The following CRY1 variants were observed in gnomAD, a reference collection of about 807,000 sequenced individuals.
The protein encoded by CRY1 is cryptochrome-1.
In CRY1, 45 loss-of-function variants were observed where a neutral mutation model predicts 76.0. The ratio of observed to expected loss-of-function variants is 0.59; its 90% CI spans 0.47 to 0.76. CRY1 has a LOEUF of 0.76. CRY1 is among the 30% of genes least tolerant of loss of function. CRY1 has a pLI of 0.00. For synonymous variants in CRY1, 248 were observed against 244.0 expected (o/e 1.02, Z -0.15); for missense variants, 587 against 716.4 (o/e 0.82, Z 2.06).
At position 107,001,742 on chromosome 12, in the gene CRY1, A is replaced by T. The variant is rs200981408; in HGVS notation, c.595+22T>A. The T allele has an allele frequency of 2.8e-4, 425 of 1,508,064 alleles. 10 individuals carry two copies. The South Asian group carries it at 5.5e-3, about 19-fold the overall frequency. 93.4% of individuals were successfully genotyped at this position (1,508,064 alleles called of 1,614,324 possible). On this transcript the variant is annotated intron_variant, in intron 4 of 12. Transcript: ENST00000008527. ...TGATTTATTAACTTGCAAGCCTCAC[A>T]CTGACTACAGTTTACACTCACCTAG...
intron 1 of CRY1, among the ~76,000 whole-genome samples, chr12:107,089,338 T>C (rs1953441758): frequency 6.8e-6 from 1 of 146,446 alleles, no homozygotes; most frequent in Non-Finnish European, 1.5e-5. Flanking sequence ...TTGTTGTTTG[T>C]TTGTTTGTTT....
intron 1 of CRY1, among the ~76,000 whole-genome samples, chr12:107,041,502 A>G: frequency 6.6e-6 from 1 of 152,214 alleles, no homozygotes; most frequent in East Asian, 1.9e-4. Context: ...AAGGCTATGT[A>G]ATTTATGCCT....
In CRY1 at chr12:107,067,865, T is replaced by C. The variant is rs541337146; in HGVS notation, c.158+24939A>G. ...TCAACCGAGGATGTTCCATGGGCCATAAGGCAGTCAGTTCCTAACTATTCC... is the reference window on the plus strand; with the variant it reads ...TCAACCGAGGATGTTCCATGGGCCACAAGGCAGTCAGTTCCTAACTATTCC... On this transcript the variant is annotated intron_variant, in intron 1 of 12. Coordinates refer to ENST00000008527, the MANE Select transcript of CRY1 (RefSeq NM_004075.5). Among the ~76,000 whole-genome samples the C allele has an allele frequency of 7.3e-4, 111 of 152,304 alleles. 4 individuals carry two copies. In the South Asian group the frequency reaches 0.022, roughly 30 times the overall value.
intron 1 of CRY1, among the ~76,000 whole-genome samples, chr12:107,038,180 G>C (rs1194717420): frequency 2.6e-5 from 4 of 152,182 alleles, no homozygotes; most frequent in African/African-American, 9.7e-5. Context: ...GTGGGGATCT[G>C]AATAGAAATT....
At chr12:107,005,380 A>T in intron 2 of CRY1, 132 bp from the exon 3 acceptor site, 1 of 881,768 alleles carries the variant, frequency 1.1e-6, no homozygotes, top group Non-Finnish European at 1.7e-6. Context: ...ATATGCAGGA[A>T]AAAGTAAACA....
intron 1 of CRY1, among the ~76,000 whole-genome samples, chr12:107,078,331 A>C (rs1409671132): frequency 2.0e-5 from 3 of 151,940 alleles, no homozygotes; most frequent in Non-Finnish European, 4.4e-5. Flanking sequence ...CCCACCTCTA[A>C]GTCTTTGATA....
At position 107,005,086 on chromosome 12, in the gene CRY1, A is replaced by G. The variant is rs1197997557; in HGVS notation, c.410+20T>C. ...ATGTTATACGCATTTTCCCACAGTA[A>G]AAAAAAAAAAAGGACTCACTTGTCT... On this transcript the variant is annotated intron_variant, in intron 3 of 12. Coordinates refer to ENST00000008527, the MANE Select transcript of CRY1 (RefSeq NM_004075.5). 2.5e-5 allele frequency: 20 copies of G among 800,596 alleles called. No homozygotes were observed. Among genetic ancestry groups the G allele is most frequent in the Non-Finnish European group, 3.4e-5 (20 of 596,040 alleles). The allele number at this position is 800,596 out of a possible 1,614,324, so 49.6% of individuals were successfully genotyped here. A position where few individuals can be genotyped will look rare whatever the true frequency, so the allele number is the denominator to read the frequency against.
At chr12:107,063,043 AT>A (rs1299359398) in intron 1 of CRY1, among the ~76,000 whole-genome samples, 1 of 152,190 alleles carries the variant, frequency 6.6e-6, no homozygotes, top group Non-Finnish European at 1.5e-5. Context: ...TATGTATTTC[AT>A]GGTGTTCTCT....
intron 2 of CRY1, among the ~76,000 whole-genome samples, chr12:107,016,301 C>T (rs1035008691): frequency 6.6e-6 from 1 of 152,014 alleles, no homozygotes; most frequent in Non-Finnish European, 1.5e-5. Context: ...CAAAGTGAGA[C>T]TTGGTCTCAA....
At chr12:106,998,104 A>G (rs777561510) in intron 7 of CRY1, 38 bp from the exon 8 acceptor site, 24 of 1,606,952 alleles carry the variant, frequency 1.5e-5, no homozygotes, top group South Asian at 7.8e-5. Flanking sequence ...TTGCACACAC[A>G]TAATTCGCAA....
chr12:107,002,478 G>A (rs1952323247), intron 3 of CRY1, among the ~76,000 whole-genome samples: 1 of 152,184 alleles, frequency 6.6e-6, no homozygotes, highest in African/African-American at 2.4e-5. Flanking sequence ...TTACTATAGT[G>A]AAGCAGATTA....
At chr12:107,066,934 C>T (rs1052549252) in intron 1 of CRY1, among the ~76,000 whole-genome samples, 2 of 151,670 alleles carry the variant, frequency 1.3e-5, no homozygotes, top group Non-Finnish European at 2.9e-5. Flanking sequence ...TGAGTAGCTG[C>T]GACTACAAGC....
At chr12:107,073,695 C>T (rs1953218483) in intron 1 of CRY1, among the ~76,000 whole-genome samples, 1 of 152,144 alleles carries the variant, frequency 6.6e-6, no homozygotes, top group Non-Finnish European at 1.5e-5. Flanking sequence ...CACCATTGCA[C>T]TCCAGCCTGG....
intron 1 of CRY1, among the ~76,000 whole-genome samples, chr12:107,040,287 G>GC (rs1952782361): frequency 8.5e-6 from 1 of 117,682 alleles, no homozygotes; most frequent in Admixed American, 8.8e-5. Context: ...TTTTTTTTTA[G>GC]TTTTTTTTTT....
In CRY1 at chr12:107,007,530, C is replaced by CT. The variant is rs869308756; in HGVS notation, c.268-2283dup. 9.5e-3 allele frequency among the ~76,000 whole-genome samples: 1,336 copies of CT among 140,254 alleles called. 17 individuals carry two copies. Among genetic ancestry groups the CT allele is most frequent in the African/African-American group, 0.027 (1,040 of 38,404 alleles). 92.0% of individuals were successfully genotyped at this position (140,254 alleles called of 152,430 possible). A position where few individuals can be genotyped will look rare whatever the true frequency, so the allele number is the denominator to read the frequency against. ...ATGAATGACAGGAACTCTTTTTCTTCTTTTTTTTTTTTTTTAAGAGTTAGG... is the reference window on the plus strand; with the variant it reads ...ATGAATGACAGGAACTCTTTTTCTTCTTTTTTTTTTTTTTTTAAGAGTTAGG... On this transcript the variant is annotated intron_variant, in intron 2 of 12. Coordinates refer to ENST00000008527, the MANE Select transcript of CRY1 (RefSeq NM_004075.5).
intron 1 of CRY1, among the ~76,000 whole-genome samples, chr12:107,051,215 A>AAAAC (rs937990364): frequency 2.6e-5 from 4 of 152,212 alleles, no homozygotes; most frequent in Non-Finnish European, 4.4e-5. Context: ...ATGTAGAGAA[A>AAAAC]AAACAAACAA....
intron 1 of CRY1, among the ~76,000 whole-genome samples, chr12:107,077,197 T>C (rs1953267130): frequency 6.6e-6 from 1 of 151,988 alleles, no homozygotes; most frequent in South Asian, 2.1e-4. Flanking sequence ...CTCACACTCA[T>C]CACCTTTACC....
chr12:107,034,963 T>A (rs576521076), intron 1 of CRY1, among the ~76,000 whole-genome samples: 1 of 152,194 alleles, frequency 6.6e-6, no homozygotes, highest in African/African-American at 2.4e-5. Flanking sequence ...TTAGTTCTTA[T>A]CTAACTTTAG....
At chr12:107,011,998 T>A (rs1952450122) in intron 2 of CRY1, among the ~76,000 whole-genome samples, 1 of 152,138 alleles carries the variant, frequency 6.6e-6, no homozygotes, top group Non-Finnish European at 1.5e-5. Flanking sequence ...GAGACCAGTC[T>A]GGCCAACATG....
Sources: allele counts gnomAD v4.1 joint callset (sites outside exome capture counted in the v4.1 genomes callset), GRCh38; gene constraint gnomAD v4.1.1; transcripts MANE v1.5; gene names NCBI Gene and HGNC (gene_info 2026-07-23, HGNC 2026-07-21).